CD1B: variants seen among roughly 807,000 people sequenced by gnomAD.
The protein encoded by CD1B is CD1b molecule.
In CD1B, 43 loss-of-function variants were observed where a neutral mutation model predicts 39.8. The ratio of observed to expected loss-of-function variants is 1.08; its 90% CI spans 0.85 to 1.39. The LOEUF is 1.39. Among genes scored for constraint, CD1B ranks in the 40% most tolerant of loss-of-function variants. The pLI is 0.00. For synonymous variants in CD1B, 192 were observed against 152.5 expected, an observed-to-expected ratio of 1.26 and a Z score of -1.91; for missense variants, 495 against 403.8, an observed-to-expected ratio of 1.23 and a Z score of -1.94.
Position 158,327,989 on chromosome 1 carries a change from A to AT in CD1B, c.*246dup, listed in dbSNP as rs1316709628. The AT allele has an allele frequency of 1.5e-5, 6 of 398,260 alleles. No homozygotes were observed. Among genetic ancestry groups the AT allele is most frequent in the South Asian group, 6.7e-5 (1 of 14,880 alleles). The allele number at this position is 398,260 out of a possible 1,614,324, so 24.7% of individuals were successfully genotyped here. A position where few individuals can be genotyped will look rare whatever the true frequency, so the allele number is the denominator to read the frequency against. ...TTATATTTCATTTATTTTGAGACAC[A>AT]TTTTTTCTAACATTTTAATGTGTGT... On this transcript the variant is annotated 3_prime_UTR_variant, in exon 6 of 6. Coordinates refer to ENST00000368168, the MANE Select transcript of CD1B (RefSeq NM_001764.3).
At chr1:158,316,408 T>G in the CD1B span, among the ~76,000 whole-genome samples, 1 of 151,800 alleles carries the variant, frequency 6.6e-6, no homozygotes, top group Non-Finnish European at 1.5e-5. Flanking sequence ...TATTTTATTC[T>G]CTTTAAAGCA....
the CD1B span, among the ~76,000 whole-genome samples, chr1:158,302,032 C>T: frequency 6.6e-6 from 1 of 152,008 alleles, no homozygotes; most frequent in Non-Finnish European, 1.5e-5. Flanking sequence ...CCTATTCAGC[C>T]ATCTTGGGGG....
At chr1:158,310,732 C>G in the CD1B span, among the ~76,000 whole-genome samples, 1 of 152,072 alleles carries the variant, frequency 6.6e-6, no homozygotes, top group Non-Finnish European at 1.5e-5. Flanking sequence ...CACTAATCAT[C>G]AGAGAAATGC....
the CD1B span, among the ~76,000 whole-genome samples, chr1:158,310,510 G>C: frequency 3.3e-5 from 5 of 151,922 alleles, no homozygotes; most frequent in African/African-American, 1.2e-4. Flanking sequence ...AAACAAAATT[G>C]TCAACAGAAT....
intron 5 of CD1B, 40 bp downstream of exon 5, chr1:158,328,881 A>T: frequency 7.2e-7 from 1 of 1,379,506 alleles, no homozygotes; most frequent in Admixed American, 2.2e-5. Context: ...TGAACAGAAA[A>T]GACATATTAA....
chr1:158,291,247 G>C, the CD1B span: 147 of 1,614,130 alleles, frequency 9.1e-5, no homozygotes, highest in Non-Finnish European at 1.1e-4. Context: ...TCATGGCTGG[G>C]ACAGTGAATC....
At chr1:158,310,217 G>A in the CD1B span, among the ~76,000 whole-genome samples, 53 of 152,286 alleles carry the variant, frequency 3.5e-4, no homozygotes, top group African/African-American at 1.3e-3. Flanking sequence ...AAGCAATGGG[G>A]TGAAGACTTC....
the CD1B span, among the ~76,000 whole-genome samples, chr1:158,285,437 G>A: frequency 6.6e-6 from 1 of 152,136 alleles, no homozygotes; most frequent in South Asian, 2.1e-4. Context: ...ATTTAGCCAG[G>A]GTGGTGCTTA....
the CD1B span, among the ~76,000 whole-genome samples, chr1:158,318,228 C>G: frequency 6.6e-6 from 1 of 152,158 alleles, no homozygotes. Flanking sequence ...TGTTGACTTT[C>G]TGTCTTGTTG....
the CD1B span, chr1:158,291,231 G>A: frequency 6.2e-7 from 1 of 1,614,058 alleles, no homozygotes; most frequent in Non-Finnish European, 8.5e-7. Context: ...TGGACGAGTT[G>A]CAGACTCATG....
chr1:158,315,620 T>C, the CD1B span, among the ~76,000 whole-genome samples: 7 of 151,720 alleles, frequency 4.6e-5, no homozygotes, highest in Non-Finnish European at 7.4e-5. Flanking sequence ...CTGTTCACTC[T>C]GATGGTAGTT....
At chr1:158,321,471 G>A in the CD1B span, among the ~76,000 whole-genome samples, 1 of 152,160 alleles carries the variant, frequency 6.6e-6, no homozygotes, top group Non-Finnish European at 1.5e-5. Context: ...GCTACTTTAT[G>A]TTGTTTAATA....
chr1:158,294,717 C>T, the CD1B span, among the ~76,000 whole-genome samples: 1 of 152,148 alleles, frequency 6.6e-6, no homozygotes, highest in Non-Finnish European at 1.5e-5. Flanking sequence ...GTCACTTAAG[C>T]TTAAACTTGT....
At chr1:158,309,233 G>C in the CD1B span, among the ~76,000 whole-genome samples, 5 of 152,134 alleles carry the variant, frequency 3.3e-5, no homozygotes, top group Non-Finnish European at 5.9e-5. Context: ...ATGAAAAAAC[G>C]GTCATCATCA....
Position 158,329,578 on chromosome 1 carries a change from G to C in CD1B, c.678C>G (p.Val226=). 1 of 1,614,110 alleles carries C rather than the reference G, an allele frequency of 6.2e-7. No individual in the cohort carries two copies. The highest frequency in any genetic ancestry group is 2.2e-5 in the East Asian group (1 of 44,842). ...GPGRLQLVCH[V]SGFYPKPVWV... The stretch of plus-strand genomic sequence containing the variant: ...ACACGGGCTTTGGGTAGAATCCTGA[G>C]ACATGGCACACAAGCTGCAGACGGC... The change falls in exon 4 of 6, where the codon GTC becomes GTG. Residue 226 remains valine (V), a synonymous_variant. Transcript: ENST00000368168.
At chr1:158,315,638 C>T in the CD1B span, among the ~76,000 whole-genome samples, 1 of 151,474 alleles carries the variant, frequency 6.6e-6, no homozygotes, top group South Asian at 2.1e-4. Flanking sequence ...GTTTCTTTTG[C>T]TGTGCAGAAG....
the CD1B span, among the ~76,000 whole-genome samples, chr1:158,314,166 C>T: frequency 6.6e-6 from 1 of 152,122 alleles, no homozygotes; most frequent in Non-Finnish European, 1.5e-5. Context: ...CTCACTGCAA[C>T]CTCTGCCTCC....
At chr1:158,286,162 G>A in the CD1B span, among the ~76,000 whole-genome samples, 10 of 152,168 alleles carry the variant, frequency 6.6e-5, no homozygotes, top group Admixed American at 1.3e-4. Context: ...GGGAAGGACA[G>A]GAAGAGCACT....
chr1:158,292,927 G>T, the CD1B span: 1 of 1,572,064 alleles, frequency 6.4e-7, no homozygotes, highest in East Asian at 2.3e-5. Context: ...CTAGAGGTTA[G>T]GGGAGAGGAA....
Sources: gnomAD v4.1 joint callset for allele counts (sites outside exome capture counted in the v4.1 genomes callset) on GRCh38, gnomAD v4.1.1 for gene constraint, MANE v1.5 for transcripts, NCBI Gene and HGNC (gene_info 2026-07-23, HGNC 2026-07-21) for gene names.